ATP6V0A4: variants seen among roughly 807,000 people sequenced by gnomAD.
ATP6V0A4 encodes the protein ATPase H+ transporting V0 subunit a4, also known as V-type proton ATPase 116 kDa subunit a 4.
Under a neutral mutation model 107.3 loss-of-function variants are expected in ATP6V0A4, and 86 were observed. The ratio of observed to expected loss-of-function variants is 0.80; its 90% CI spans 0.67 to 0.96. The LOEUF is 0.96. Among genes scored for constraint, ATP6V0A4 ranks in the 40% least tolerant of loss-of-function variants. The probability of loss-of-function intolerance (pLI) is 0.00; values close to 1 mark genes in which losing one functional copy is unlikely to be tolerated. For synonymous variants in ATP6V0A4, 353 were observed against 381.4 expected (o/e 0.93, Z 0.87); for missense variants, 908 against 1,045.6 (o/e 0.87, Z 1.81).
chr7:138,711,142 TC>T (rs1370131338), intron 20 of ATP6V0A4, among the ~76,000 whole-genome samples: 2 of 151,304 alleles, frequency 1.3e-5, no homozygotes, highest in African/African-American at 4.9e-5. Context: ...GCTCTAAAGG[TC>T]TTTTCTACAC....
At chr7:138,714,821 C>T (rs1317332487) in intron 20 of ATP6V0A4, among the ~76,000 whole-genome samples, 1 of 152,190 alleles carries the variant, frequency 6.6e-6, no homozygotes, top group Non-Finnish European at 1.5e-5. Context: ...TGTCTACATC[C>T]TAATTCTAAT....
At chr7:138,758,977 C>T (rs958665100) in intron 8 of ATP6V0A4, among the ~76,000 whole-genome samples, 1 of 150,860 alleles carries the variant, frequency 6.6e-6, no homozygotes, top group Admixed American at 6.6e-5. Context: ...TCTCAAATTC[C>T]TGACCTCAGG....
At chr7:138,778,535 T>C (rs1181161723) in intron 2 of ATP6V0A4, among the ~76,000 whole-genome samples, 1 of 152,062 alleles carries the variant, frequency 6.6e-6, no homozygotes, top group Non-Finnish European at 1.5e-5. Flanking sequence ...AATCAATCTG[T>C]ATATTCCGGA....
chr7:138,781,562 C>A (rs1004397588), intron 2 of ATP6V0A4, among the ~76,000 whole-genome samples: 1 of 152,164 alleles, frequency 6.6e-6, no homozygotes, highest in East Asian at 1.9e-4. Context: ...GAACTCCTAA[C>A]CTCGTGATCC....
intron 11 of ATP6V0A4, among the ~76,000 whole-genome samples, chr7:138,749,636 C>T (rs1005364715): frequency 2.0e-5 from 3 of 152,156 alleles, no homozygotes; most frequent in Non-Finnish European, 4.4e-5. Context: ...TTTCTCAATT[C>T]ATCCCCCTCT....
chr7:138,738,135 G>A (rs945229087), intron 15 of ATP6V0A4, among the ~76,000 whole-genome samples: 1 of 152,102 alleles, frequency 6.6e-6, no homozygotes, highest in African/African-American at 2.4e-5. Context: ...ATTATTTTAG[G>A]ATAGAAAGAC....
In ATP6V0A4 at chr7:138,706,551, G is replaced by T; in HGVS notation, c.*73C>A. The T allele has an allele frequency of 6.4e-7, 1 of 1,562,492 alleles. No homozygotes were observed. ...AACCTTCCCATTGAGCGCCTTGCAG[G>T]GGCTGATATCAAAGACAAGACTGAA... is the stretch of plus-strand genomic sequence containing the variant. On this transcript the variant is annotated 3_prime_UTR_variant, in exon 22 of 22. Coordinates refer to ENST00000310018, the MANE Select transcript of ATP6V0A4 (RefSeq NM_020632.3).
chr7:138,779,829 C>T (rs951266538), intron 2 of ATP6V0A4, among the ~76,000 whole-genome samples: 2 of 152,100 alleles, frequency 1.3e-5, no homozygotes, highest in African/African-American at 4.8e-5. Context: ...AGAGAGAAAA[C>T]AGATATTTGC....
At chr7:138,735,603 C>T (rs879934259) in intron 15 of ATP6V0A4, among the ~76,000 whole-genome samples, 4 of 152,090 alleles carry the variant, frequency 2.6e-5, no homozygotes, top group Non-Finnish European at 5.9e-5. Context: ...TGCTGGGAAG[C>T]GGGGAGAAGG....
chr7:138,758,046 T>C (rs3931139), intron 8 of ATP6V0A4, among the ~76,000 whole-genome samples: 37,946 of 152,174 alleles, frequency 0.25, 5,502 homozygotes, highest in African/African-American at 0.4. Context: ...ATCAGGAATC[T>C]GCTCTAATCT....
intron 17 of ATP6V0A4, among the ~76,000 whole-genome samples, chr7:138,730,931 C>CTTCTTCTTCTTCTTT (rs1554392929): frequency 1.6e-5 from 2 of 123,756 alleles, no homozygotes; most frequent in African/African-American, 6.1e-5. Context: ...TCTTCTTCTT[C>CTTCTTCTTCTTCTTT]TTTTTTTATT....
intron 8 of ATP6V0A4, among the ~76,000 whole-genome samples, chr7:138,757,578 A>C (rs202076422): frequency 6.6e-6 from 1 of 152,198 alleles, no homozygotes; most frequent in African/African-American, 2.4e-5. Flanking sequence ...CAAATCCAAT[A>C]GACTCATCAC....
chr7:138,766,158 G>A (rs932835791), intron 5 of ATP6V0A4, among the ~76,000 whole-genome samples: 17 of 151,656 alleles, frequency 1.1e-4, no homozygotes, highest in Non-Finnish European at 2.1e-4. Context: ...TCCTACAAAT[G>A]TATGAATGTA....
chr7:138,720,095 G>A (rs939952016), intron 19 of ATP6V0A4, among the ~76,000 whole-genome samples: 4 of 152,026 alleles, frequency 2.6e-5, no homozygotes, highest in Non-Finnish European at 5.9e-5. Context: ...TGGCCCCAAA[G>A]GACCCTAAGG....
At chr7:138,735,209 T>A (rs1805254096) in intron 15 of ATP6V0A4, among the ~76,000 whole-genome samples, 1 of 152,104 alleles carries the variant, frequency 6.6e-6, no homozygotes, top group African/African-American at 2.4e-5. Flanking sequence ...GAGTCACTAA[T>A]ATTCATCTTC....
chr7:138,784,239 T>TATATATATATACATATATATATATAC (rs1454858193), intron 2 of ATP6V0A4, among the ~76,000 whole-genome samples: 1 of 9,638 alleles, frequency 1.0e-4, no homozygotes, highest in East Asian at 2.8e-3. Flanking sequence ...TATATACGTA[T>TATATATATATACATATATATATATAC]ATATATATAT....
chr7:138,754,598 A>G (rs1206499708), intron 10 of ATP6V0A4, among the ~76,000 whole-genome samples: 1 of 152,094 alleles, frequency 6.6e-6, no homozygotes, highest in East Asian at 1.9e-4. Context: ...AGCCACATGC[A>G]GCTACTAAAT....
chr7:138,707,227 T>TATATTA (rs1803460353), intron 21 of ATP6V0A4, among the ~76,000 whole-genome samples: 1 of 81,794 alleles, frequency 1.2e-5, no homozygotes, highest in African/African-American at 5.7e-5. Context: ...ATAGAATATA[T>TATATTA]TATATAATAT....
At chr7:138,778,403 G>A (rs948660716) in intron 2 of ATP6V0A4, among the ~76,000 whole-genome samples, 1 of 146,362 alleles carries the variant, frequency 6.8e-6, no homozygotes, top group Admixed American at 7.1e-5. Context: ...TTTAGACTTG[G>A]GTCCCATCCC....
Sources: gnomAD v4.1 joint callset for allele counts (sites outside exome capture counted in the v4.1 genomes callset) on GRCh38, gnomAD v4.1.1 for gene constraint, MANE v1.5 for transcripts, NCBI Gene and HGNC (gene_info 2026-07-23, HGNC 2026-07-21) for gene names.